Variants in CASTOR1 observed in about 807,000 individuals in gnomAD.
CASTOR1 encodes cytosolic arginine sensor for mTORC1 subunit 1.
Under a neutral mutation model 33.7 loss-of-function variants are expected in CASTOR1, and 18 were observed. The observed-to-expected ratio is 0.53, with a 90% CI of 0.37 to 0.79. The LOEUF (loss-of-function observed/expected upper bound fraction) is 0.79, where lower values mean the gene tolerates loss of function less well. CASTOR1 is among the 30% of genes least tolerant of loss of function. The probability of loss-of-function intolerance (pLI) is 0.00; values close to 1 mark genes in which losing one functional copy is unlikely to be tolerated. For synonymous variants in CASTOR1, 175 were observed against 190.6 expected, an observed-to-expected ratio of 0.92 and a Z score of 0.67; for missense variants, 362 against 446.3, an observed-to-expected ratio of 0.81 and a Z score of 1.70.
In CASTOR1 at chr22:30,287,474, C is replaced by T; in HGVS notation, c.271G>A (p.Ala91Thr). The change falls in exon 3 of 9, where the codon GCT becomes ACT. Residue 91 changes from alanine to threonine, a missense_variant. Transcript: ENST00000407689. ...CGGGCGATCTTGGTGACCCCAGCAG[C>T]CTGCACTGCCGCACCGCTGTGAGAC... is the stretch of plus-strand genomic sequence containing the variant. ...VSSHSGAAVQ[A>T]AGVTKIARSV... 1 of 1,613,330 alleles carries T rather than the reference C, an allele frequency of 6.2e-7. No individual in the cohort carries two copies. Among genetic ancestry groups the T allele is most frequent in the Non-Finnish European group, 8.5e-7 (1 of 1,180,036 alleles).
At chr22:30,287,665 G>C (rs967530986) in intron 2 of CASTOR1, 105 bp from the exon 3 acceptor site, 1 of 1,126,460 alleles carries the variant, frequency 8.9e-7, no homozygotes, top group East Asian at 2.6e-5. Context: ...ATCAAGGTAA[G>C]GGCAGGTCTG....
intron 1 of CASTOR1, chr22:30,289,072 C>A: frequency 1.8e-6 from 1 of 561,668 alleles, no homozygotes; most frequent in South Asian, 2.1e-5. Context: ...CTAGTCCAGC[C>A]CCTCTGACAT....
At position 30,285,865 on chromosome 22, in the gene CASTOR1, G is replaced by C; in HGVS notation, c.888C>G (p.Tyr296Ter). 1 of 1,611,204 alleles carries C rather than the reference G, an allele frequency of 6.2e-7. No individual in the cohort carries two copies. The highest frequency in any genetic ancestry group is 8.5e-7 in the Non-Finnish European group (1 of 1,178,840). The change falls in exon 8 of 9, where the codon TAC becomes TAG. Residue 296 changes from tyrosine to a stop codon, truncating the protein, a stop_gained. Coordinates refer to ENST00000407689, the MANE Select transcript of CASTOR1 (RefSeq NM_001037666.3). LOFTEE classifies it high-confidence loss of function. The stretch of plus-strand genomic sequence containing the variant: ...GGTCGAAGTTGAAGGTGCTGATGTA[G>C]TAGGCAGAGATGTCAGCGGCAGCCA... ...GPLAAADISAYYISTFNFDHA... is the reference protein window; with the variant it reads ...GPLAAADISA
rs116527400 is a variant in CASTOR1 at position 30,287,116 on chromosome 22, G to A, written c.505+39C>T. The A allele has an allele frequency of 4.1e-3, 6,556 of 1,580,564 alleles. 219 individuals are homozygous for A. The African/African-American group carries it at 0.075, about 18-fold the overall frequency. Reference sequence around the variant, plus strand: ...GGGAAGGGACCCAGTGGGAAGAGGAGGCCCTGCCCAAGTCCAAGTGTCAGG... The same window carrying A: ...GGGAAGGGACCCAGTGGGAAGAGGAAGCCCTGCCCAAGTCCAAGTGTCAGG... On this transcript the variant is annotated intron_variant, in intron 4 of 8. Transcript: ENST00000407689.
rs773513712 is a variant in CASTOR1 at position 30,286,312 on chromosome 22, G to GGGA, written c.691_693dup (p.Ser231dup). 1.9e-6 allele frequency: 3 copies of GGGA among 1,614,142 alleles called. No individual in the cohort carries two copies. In the Admixed American group the frequency reaches 5.0e-5, roughly 27 times the overall value. On this transcript the variant is annotated inframe_insertion, in exon 6 of 9. Transcript: ENST00000407689. ...ACAATGGAGATATAACCCTCGATGA[G>GGGA]GGAGAAGGCAAAGAACGTGATGGAG...
chr22:30,286,671 C>T (rs1210122528), intron 5 of CASTOR1, 154 bp downstream of exon 5: 8 of 1,006,436 alleles, frequency 7.9e-6, no homozygotes, highest in South Asian at 2.8e-5. Context: ...GAACCTTCCC[C>T]GAACATCAGT....
Position 30,285,818 on chromosome 22 carries a change from C to CCCTTGGTGCTCCCCCTGCCCCAGA in CASTOR1, c.921+13_921+14insTCTGGGGCAGGGGGAGCACCAAGG, listed in dbSNP as rs1929744700. On this transcript the variant is annotated intron_variant, in intron 8 of 8. Transcript: ENST00000407689. ...GGCCTCACTCTCCCCTCTGCCCCAG[C>CCCTTGGTGCTCCCCCTGCCCCAGA]CCTTGGTGCTCACCAGGGCGTGGTC... The CCCTTGGTGCTCCCCCTGCCCCAGA allele has an allele frequency of 1.2e-6, 2 of 1,602,620 alleles. No individual in the cohort carries two copies. Among genetic ancestry groups the CCCTTGGTGCTCCCCCTGCCCCAGA allele is most frequent in the South Asian group, 1.1e-5 (1 of 89,388 alleles).
chr22:30,286,233 G>A (rs1358256613), intron 6 of CASTOR1, 30 bp downstream of exon 6: 18 of 1,553,476 alleles, frequency 1.2e-5, no homozygotes, highest in Non-Finnish European at 1.5e-5. Context: ...GCTGGGGCCT[G>A]GGGCCCACCC....
chr22:30,287,299 C>A lies in CASTOR1; in HGVS notation c.373-12G>T. ...TCCTGCTCCCGCACCTGGGCCACAG[C>A]AGATGGCACATCACATGGGCTCCCA... On this transcript the variant is annotated splice_polypyrimidine_tract_variant and intron_variant, in intron 3 of 8. Coordinates refer to ENST00000407689, the MANE Select transcript of CASTOR1 (RefSeq NM_001037666.3). 6.4e-7 allele frequency: 1 copy of A among 1,573,882 alleles called. No homozygotes were observed. The highest frequency in any genetic ancestry group is 1.2e-5 in the South Asian group (1 of 84,364).
chr22:30,289,354 C>T (rs763138376), intron 1 of CASTOR1, 31 bp downstream of exon 1: 1 of 1,460,258 alleles, frequency 6.8e-7, no homozygotes, highest in East Asian at 2.3e-5. Context: ...GCCCCCAGCC[C>T]CTATCTGCGC....
chr22:30,285,635 TTCCTGCCGCCGCTGGA>T lies in CASTOR1; in HGVS notation c.959_974del (p.Leu320GlnfsTer32). On this transcript the variant is annotated frameshift_variant, in exon 9 of 9. Coordinates refer to ENST00000407689, the MANE Select transcript of CASTOR1 (RefSeq NM_001037666.3). LOFTEE classifies it high-confidence loss of function. ...CCCATGGGCCTCAGGAAGCCAGGCC[TTCCTGCCGCCGCTGGA>T]GGACCTCGATGACGCTGCCGATACC... 6.4e-7 allele frequency: 1 copy of T among 1,566,916 alleles called. No homozygotes were observed. The highest frequency in any genetic ancestry group is 8.6e-7 in the Non-Finnish European group (1 of 1,157,212).
At position 30,286,314 on chromosome 22, in the gene CASTOR1, G is replaced by C; in HGVS notation, c.692C>G (p.Ser231Cys). ...EPSSITFFAF[S>C]LIEGYISIVM... ...AATGGAGATATAACCCTCGATGAGG[G>C]AGAAGGCAAAGAACGTGATGGAGCT... The change falls in exon 6 of 9, where the codon TCC becomes TGC. Residue 231 changes from serine (S) to cysteine (C), a missense_variant. By Grantham distance (112) the Ser-to-Cys change is moderately radical (BLOSUM62 -1). Coordinates refer to ENST00000407689, the MANE Select transcript of CASTOR1 (RefSeq NM_001037666.3). The C allele has an allele frequency of 6.2e-7, 1 of 1,614,140 alleles. No individual in the cohort carries two copies.
chr22:30,287,612 C>T (rs769129448), intron 2 of CASTOR1, 52 bp from the exon 3 acceptor site: 70 of 1,492,224 alleles, frequency 4.7e-5, no homozygotes, highest in Middle Eastern at 1.8e-4. Flanking sequence ...GCCCCTGCCC[C>T]TCTCTGAGCC....
At chr22:30,289,291 G>T in intron 1 of CASTOR1, 94 bp downstream of exon 1, 2 of 969,076 alleles carry the variant, frequency 2.1e-6, no homozygotes, top group Non-Finnish European at 1.6e-6. Flanking sequence ...CCGCCTGCCT[G>T]CCTGCCTTAC....
chr22:30,287,430 C>T lies in CASTOR1; in HGVS notation c.315G>A (p.Leu105=), dbSNP rs770514255. 1.2e-6 allele frequency: 2 copies of T among 1,613,464 alleles called. No homozygotes were observed. Among genetic ancestry groups the T allele is most frequent in the South Asian group, 2.2e-5 (2 of 91,080 alleles). ...TCAGCACAGACACGTGGTGCTCGGC[C>T]AGTGGCGCGATGACCGAACGGGCGA... ...TKIARSVIAP[L]AEHHVSVLML... The change falls in exon 3 of 9, where the codon CTG becomes CTA. Residue 105 remains leucine (L), a synonymous_variant. Transcript: ENST00000407689.
intron 2 of CASTOR1, 82 bp from the exon 3 acceptor site, chr22:30,287,642 C>T: frequency 7.5e-7 from 1 of 1,337,258 alleles, no homozygotes; most frequent in Non-Finnish European, 1.0e-6. Context: ...CTTTCTGTGC[C>T]TTGGAGGGCT....
At position 30,287,483 on chromosome 22, in the gene CASTOR1, C is replaced by A; in HGVS notation, c.262G>T (p.Ala88Ser). 6.2e-7 allele frequency: 1 copy of A among 1,613,416 alleles called. No homozygotes were observed. The highest frequency in any genetic ancestry group is 8.5e-7 in the Non-Finnish European group (1 of 1,180,030). ...VLNVSSHSGA[A>S]VQAAGVTKIA... is the part of the protein sequence containing the mutation. ...TTGGTGACCCCAGCAGCCTGCACTG[C>A]CGCACCGCTGTGAGACGACACGTTC... The change falls in exon 3 of 9, where the codon GCA becomes TCA. Residue 88 changes from alanine (A) to serine (S), a missense_variant. By Grantham distance (99) the Ala-to-Ser change is moderately conservative. Transcript: ENST00000407689.
intron 2 of CASTOR1, 41 bp downstream of exon 2, chr22:30,288,665 C>T (rs777677913): frequency 1.3e-6 from 2 of 1,531,618 alleles, no homozygotes. Flanking sequence ...GGGAGCACGA[C>T]AAGCCCCTCC....
chr22:30,289,241 T>TGGCGGCCGGAC (rs910443157), intron 1 of CASTOR1, 144 bp downstream of exon 1: 3 of 660,274 alleles, frequency 4.5e-6, no homozygotes, highest in African/African-American at 3.8e-5. Flanking sequence ...CCAGGCCGGA[T>TGGCGGCCGGAC]GGCGGCCGGA....
Sources: allele counts gnomAD v4.1 joint callset, GRCh38; gene constraint gnomAD v4.1.1; transcripts MANE v1.5; gene names NCBI Gene and HGNC (gene_info 2026-07-23, HGNC 2026-07-21).